Variants in CPT2 observed in about 807,000 individuals in gnomAD.
CPT2 encodes the protein carnitine O-palmitoyltransferase 2, mitochondrial.
In CPT2, 37 loss-of-function variants were observed where a neutral mutation model predicts 48.6. The observed-to-expected ratio is 0.76, with a 90% confidence interval of 0.59 to 1.00. The LOEUF (loss-of-function observed/expected upper bound fraction) is 1.00, where lower values mean the gene tolerates loss of function less well. Among genes scored for constraint, CPT2 ranks in the 50% least tolerant of loss-of-function variants. The pLI is 0.00. For missense variants in CPT2, 772 were observed against 825.6 expected, an observed-to-expected ratio of 0.94 and a Z score of 0.80; for synonymous variants, 319 against 326.9, an observed-to-expected ratio of 0.98 and a Z score of 0.26.
intron 3 of CPT2, chr1:53,203,964 G>C (rs967999135): frequency 6.6e-6 from 1 of 152,080 alleles, no homozygotes; most frequent in Non-Finnish European, 1.5e-5. Flanking sequence ...CAGTGTTGCT[G>C]TTGGTAAATC....
chr1:53,204,905 C>G (rs1490248701), intron 3 of CPT2, among the ~76,000 whole-genome samples: 1 of 152,112 alleles, frequency 6.6e-6, no homozygotes, highest in Non-Finnish European at 1.5e-5. Context: ...TGAGGCCTCC[C>G]CAGCCACAAG....
chr1:53,212,894 A>AAAATCTTGAAT, intron 4 of CPT2: 1 of 480,032 alleles, frequency 2.1e-6, no homozygotes, highest in East Asian at 3.2e-5. Context: ...CTTCTCTTTT[A>AAAATCTTGAAT]CACTTGAATC....
chr1:53,212,067 A>ATTTT (rs11441059), intron 4 of CPT2, among the ~76,000 whole-genome samples: 1 of 138,832 alleles, frequency 7.2e-6, no homozygotes, highest in African/African-American at 2.7e-5. Flanking sequence ...TGATATTTTA[A>ATTTT]TTTTTTTTTT....
At position 53,213,588 on chromosome 1, in the gene CPT2, A is replaced by G. The variant is rs759735713; in HGVS notation, c.1970A>G (p.Lys657Arg). The G allele has an allele frequency of 3.7e-6, 6 of 1,613,192 alleles. No individual in the cohort carries two copies. The highest frequency in any genetic ancestry group is 5.1e-6 in the Non-Finnish European group (6 of 1,179,872). Reference sequence around the variant, plus strand: ...GATGCCTTAGAAGGCAAATCCATCAAAAGTTAACTTCTGGGCAGATGAAAA... The same window carrying G: ...GATGCCTTAGAAGGCAAATCCATCAGAAGTTAACTTCTGGGCAGATGAAAA... ...MFDALEGKSIKS is the reference protein window; with the variant it reads ...MFDALEGKSIRS Residue 657 changes from lysine to arginine, a missense_variant, in exon 5 of 5, where the codon AAA becomes AGA. Physicochemically the swap from Lys to Arg is conservative, Grantham distance 26 (BLOSUM62 2). Transcript: ENST00000371486.
intron 4 of CPT2, among the ~76,000 whole-genome samples, chr1:53,212,240 T>G (rs550452711): frequency 3.4e-4 from 51 of 152,142 alleles, no homozygotes; most frequent in African/African-American, 1.2e-3. Context: ...AATTTTTATA[T>G]TTTCAATAGA....
At chr1:53,205,911 G>A (rs1174347525) in intron 3 of CPT2, among the ~76,000 whole-genome samples, 10 of 152,186 alleles carry the variant, frequency 6.6e-5, no homozygotes, top group Non-Finnish European at 7.3e-5. Context: ...GGCCGGGTGC[G>A]GTGGCTCACG....
At chr1:53,205,663 CA>C (rs748620715) in intron 3 of CPT2, among the ~76,000 whole-genome samples, 2 of 152,244 alleles carry the variant, frequency 1.3e-5, no homozygotes, top group Non-Finnish European at 2.9e-5. Flanking sequence ...CCCCTCCCAG[CA>C]TAGGCCCAGA....
In CPT2 at chr1:53,210,509, G is replaced by A; in HGVS notation, c.835G>A (p.Asp279Asn). The A allele has an allele frequency of 1.9e-6, 3 of 1,614,088 alleles. No homozygotes were observed. The South Asian group carries it at 3.3e-5, about 18-fold the overall frequency. The change falls in exon 4 of 5, where the codon GAC (aspartate) becomes AAC (asparagine). Residue 279 changes from aspartate to asparagine, a missense_variant. Physicochemically the swap from Asp to Asn is conservative, Grantham distance 23. Coordinates refer to ENST00000371486, the MANE Select transcript of CPT2 (RefSeq NM_000098.3). ...IQAHLKYILS[D>N]SSPAPEFPLA... is the part of the protein sequence containing the mutation. Reference sequence around the variant, plus strand: ...GGCACATCTGAAGTACATTCTCTCAGACAGCAGCCCCGCCCCCGAGTTTCC... The same window carrying A: ...GGCACATCTGAAGTACATTCTCTCAAACAGCAGCCCCGCCCCCGAGTTTCC...
chr1:53,199,000 T>C (rs1645339993), intron 1 of CPT2, among the ~76,000 whole-genome samples: 1 of 152,260 alleles, frequency 6.6e-6, no homozygotes, highest in Non-Finnish European at 1.5e-5. Flanking sequence ...TAGTTGCAGA[T>C]TCTGGATCTG....
intron 4 of CPT2, 168 bp from the exon 5 acceptor site, chr1:53,213,096 G>A: frequency 1.5e-6 from 1 of 669,848 alleles, no homozygotes; most frequent in Non-Finnish European, 2.7e-6. Context: ...AAATAATCTA[G>A]CTTGAGCTGC....
intron 1 of CPT2, chr1:53,199,667 T>C (rs909942726): frequency 2.0e-5 from 3 of 152,238 alleles, no homozygotes; most frequent in African/African-American, 7.2e-5. Flanking sequence ...GTATTTGGAA[T>C]TTTTCTGAGT....
intron 4 of CPT2, among the ~76,000 whole-genome samples, chr1:53,212,317 C>G (rs1645434636): frequency 6.6e-6 from 1 of 152,122 alleles, no homozygotes; most frequent in African/African-American, 2.4e-5. Context: ...CCCGCCTCAC[C>G]CTCCCAAAGT....
rs747845465 is a variant in CPT2, at chr1:53,210,308, C to T, written c.634C>T (p.Leu212=). The T allele has an allele frequency of 3.7e-6, 6 of 1,614,156 alleles. No homozygotes were observed. The South Asian group carries it at 6.6e-5, about 18-fold the overall frequency. The stretch of plus-strand genomic sequence containing the variant: ...GGCCTACCTGGTCAATGCGTATCCC[C>T]TGGATATGTCCCAGTATTTTCGGCT... ...YGAYLVNAYP[L]DMSQYFRLFN... The change falls in exon 4 of 5, where the codon CTG becomes TTG. Residue 212 remains leucine (L), a synonymous_variant. Coordinates refer to ENST00000371486, the MANE Select transcript of CPT2 (RefSeq NM_000098.3).
At chr1:53,202,503 G>A (rs1037606650) in intron 3 of CPT2, 74 bp downstream of exon 3, 4 of 1,238,628 alleles carry the variant, frequency 3.2e-6, no homozygotes, top group African/African-American at 3.0e-5. Flanking sequence ...ATTCTCTCCT[G>A]TTTTGGTCTC....
chr1:53,203,658 C>T (rs1362568955), intron 3 of CPT2: 1 of 152,190 alleles, frequency 6.6e-6, no homozygotes, highest in African/African-American at 2.4e-5. Context: ...ACCTCTTGGC[C>T]TACTGTGAAG....
At chr1:53,209,738 T>C (rs1014448924) in intron 3 of CPT2, 2 of 423,056 alleles carry the variant, frequency 4.7e-6, no homozygotes, top group Non-Finnish European at 8.7e-6. Context: ...ATTGCAGCAC[T>C]GTTCTCCAGC....
At chr1:53,212,469 G>A (rs1339779848) in intron 4 of CPT2, among the ~76,000 whole-genome samples, 1 of 152,148 alleles carries the variant, frequency 6.6e-6, no homozygotes, top group Non-Finnish European at 1.5e-5. Context: ...CAAAGCACTA[G>A]GATTATAGGC....
At chr1:53,202,629 A>G in intron 3 of CPT2, 200 bp downstream of exon 3, 1 of 616,836 alleles carries the variant, frequency 1.6e-6, no homozygotes, top group Non-Finnish European at 2.9e-6. Flanking sequence ...GCCCATGCTC[A>G]AGAATGATGG....
intron 1 of CPT2, 148 bp downstream of exon 1, chr1:53,197,243 C>A: frequency 9.9e-7 from 1 of 1,011,530 alleles, no homozygotes; most frequent in Non-Finnish European, 1.5e-6. Context: ...ATCTGGAAGT[C>A]TTGGGACTTT....
Sources: allele counts gnomAD v4.1 joint callset (sites outside exome capture counted in the v4.1 genomes callset), GRCh38; gene constraint gnomAD v4.1.1; transcripts MANE v1.5; gene names NCBI Gene and HGNC (gene_info 2026-07-23, HGNC 2026-07-21).